ANO1: variants seen among roughly 807,000 people sequenced by gnomAD.
ANO1 encodes anoctamin 1.
A neutral mutation model predicts 124.0 loss-of-function variants in ANO1; 59 were observed. The observed-to-expected ratio is 0.48, with a 90% CI of 0.39 to 0.59. The LOEUF (loss-of-function observed/expected upper bound fraction) is 0.59. ANO1 is among the 20% of genes least tolerant of loss of function. The pLI is 0.00. For missense variants in ANO1, 1,059 were observed against 1,328.0 expected, an observed-to-expected ratio of 0.80 and a Z score of 3.15; for synonymous variants, 529 against 532.0, an observed-to-expected ratio of 0.99 and a Z score of 0.08.
At chr11:70,184,335 A>G (rs1196561690) in intron 24 of ANO1, among the ~76,000 whole-genome samples, 2 of 152,126 alleles carry the variant, frequency 1.3e-5, no homozygotes, top group African/African-American at 4.8e-5. Flanking sequence ...TGAAAAGAGG[A>G]AGGGGCTGGG....
intron 8 of ANO1, 50 bp downstream of exon 8, chr11:70,116,549 G>C (rs367638256): frequency 6.5e-7 from 1 of 1,549,766 alleles, no homozygotes; most frequent in Admixed American, 1.9e-5. Flanking sequence ...GCCTGGAGGC[G>C]TTCTGGGGCG....
chr11:69,999,897 G>C (rs1460816176), intron 1 of ANO1, among the ~76,000 whole-genome samples: 1 of 152,128 alleles, frequency 6.6e-6, no homozygotes, highest in Non-Finnish European at 1.5e-5. Context: ...GGGAGTGTCT[G>C]ATGAGAGTAC....
At chr11:70,067,218 C>A (rs1555008718) in intron 1 of ANO1, among the ~76,000 whole-genome samples, 1 of 152,136 alleles carries the variant, frequency 6.6e-6, no homozygotes, top group Admixed American at 6.5e-5. Context: ...GGCTTAACCA[C>A]CTCTGAGCAT....
chr11:70,117,645 T>C (rs2509145), intron 8 of ANO1, among the ~76,000 whole-genome samples: 105,900 of 152,094 alleles, frequency 0.7, 37,127 homozygotes, highest in Admixed American at 0.76. Flanking sequence ...GCTTTCCCTC[T>C]CGGGAAGCAG....
chr11:70,041,680 A>G (rs1176347873), intron 1 of ANO1, among the ~76,000 whole-genome samples: 2 of 151,908 alleles, frequency 1.3e-5, no homozygotes, highest in African/African-American at 4.8e-5. Flanking sequence ...AATCCCCAGC[A>G]TCTAGAACAA....
At chr11:70,052,744 A>G (rs1857372920) in intron 1 of ANO1, among the ~76,000 whole-genome samples, 1 of 151,520 alleles carries the variant, frequency 6.6e-6, no homozygotes, top group South Asian at 2.1e-4. Flanking sequence ...TAGTAGAGAC[A>G]GGGTTTCACC....
chr11:69,972,404 A>G, the ANO1 span, among the ~76,000 whole-genome samples: 1 of 152,070 alleles, frequency 6.6e-6, no homozygotes, highest in East Asian at 1.9e-4. Context: ...CAAACACACA[A>G]GCAGCCGGCA....
chr11:70,002,176 C>T (rs900137786), intron 1 of ANO1, among the ~76,000 whole-genome samples: 5 of 151,518 alleles, frequency 3.3e-5, no homozygotes, highest in East Asian at 2.0e-4. Context: ...ACCAGCTGAG[C>T]GCAGTGGCTC....
chr11:70,095,884 TAGG>T (rs72015213), intron 2 of ANO1, among the ~76,000 whole-genome samples: 43,142 of 152,116 alleles, frequency 0.28, 7,456 homozygotes, highest in East Asian at 0.44. Context: ...TTTTTATTTC[TAGG>T]AGTTCTATTT....
intron 8 of ANO1, among the ~76,000 whole-genome samples, chr11:70,119,656 T>C (rs192812485): frequency 9.4e-4 from 133 of 141,172 alleles, no homozygotes; most frequent in African/African-American, 3.4e-3. Flanking sequence ...GGGTGGATGA[T>C]GGAAGGATGA....
intron 1 of ANO1, among the ~76,000 whole-genome samples, chr11:70,005,285 G>A (rs1856466065): frequency 6.6e-6 from 1 of 152,080 alleles, no homozygotes; most frequent in South Asian, 2.1e-4. Flanking sequence ...TATTTTACAA[G>A]TGAAGAAGCT....
chr11:70,162,434 G>A (rs1194430625), intron 18 of ANO1, among the ~76,000 whole-genome samples: 2 of 152,142 alleles, frequency 1.3e-5, no homozygotes, highest in African/African-American at 4.8e-5. Context: ...AGTCCACGTA[G>A]GGAGGAGTCC....
intron 1 of ANO1, among the ~76,000 whole-genome samples, chr11:69,993,546 G>A (rs781785341): frequency 3.3e-5 from 5 of 152,150 alleles, no homozygotes; most frequent in East Asian, 1.9e-4. Flanking sequence ...CAAAGGTAGC[G>A]TTTGCTTCCT....
intron 8 of ANO1, among the ~76,000 whole-genome samples, chr11:70,117,520 A>G (rs553543807): frequency 6.6e-6 from 1 of 151,994 alleles, no homozygotes; most frequent in South Asian, 2.1e-4. Flanking sequence ...TGCCCCCGAA[A>G]AGAACATGTC....
rs886287252 is a variant in ANO1, at chr11:70,163,990, CT to C, written c.1950+660del. 1.2e-3 allele frequency among the ~76,000 whole-genome samples: 178 copies of C among 148,710 alleles called. 2 individuals carry two copies. The East Asian group carries it at 0.03, about 25-fold the overall frequency. On this transcript the variant is annotated intron_variant, in intron 19 of 25. Coordinates refer to ENST00000355303, the MANE Select transcript of ANO1 (RefSeq NM_018043.7). The stretch of plus-strand genomic sequence containing the variant: ...TGAGGACAAAACAGAACTTGGCTAA[CT>C]TTTTTTTTTACTCGACATTGAAATG...
intron 6 of ANO1, among the ~76,000 whole-genome samples, chr11:70,111,420 C>T (rs1046328322): frequency 2.0e-5 from 3 of 152,170 alleles, no homozygotes; most frequent in African/African-American, 7.2e-5. Context: ...CCGCTCACAC[C>T]GCCTGCCTCT....
At chr11:70,108,775 G>A (rs1433376858) in intron 6 of ANO1, among the ~76,000 whole-genome samples, 3 of 152,110 alleles carry the variant, frequency 2.0e-5, no homozygotes, top group Non-Finnish European at 4.4e-5. Flanking sequence ...CAGCCGGGGC[G>A]GCATCTCCAT....
At chr11:70,143,339 A>G (rs1283752667) in intron 11 of ANO1, among the ~76,000 whole-genome samples, 1 of 152,192 alleles carries the variant, frequency 6.6e-6, no homozygotes, top group Admixed American at 6.5e-5. Context: ...GAGAGAGCTC[A>G]GAAAGGGAGT....
chr11:70,122,185 GTCTT>G (rs1273688854), intron 8 of ANO1, among the ~76,000 whole-genome samples: 7 of 75,678 alleles, frequency 9.2e-5, no homozygotes, highest in African/African-American at 3.3e-4. Context: ...CTCTCTGTCT[GTCTT>G]TCTGTCTCTC....
Sources: allele counts gnomAD v4.1 joint callset (sites outside exome capture counted in the v4.1 genomes callset), GRCh38; gene constraint gnomAD v4.1.1; transcripts MANE v1.5; gene names NCBI Gene and HGNC (gene_info 2026-07-23, HGNC 2026-07-21).